NHSL2: variants seen among roughly 807,000 people sequenced by gnomAD.
NHSL2 encodes NHS like 2, also known as NHS-like protein 2.
Under a neutral mutation model 53.4 loss-of-function variants are expected in NHSL2, and 27 were observed. The ratio of observed to expected loss-of-function variants is 0.51; its 90% CI spans 0.37 to 0.70. NHSL2 has a LOEUF of 0.70. Ranked by LOEUF, NHSL2 falls within the 30% of genes least tolerant of loss-of-function variation. The pLI, the probability that NHSL2 is intolerant of heterozygous loss-of-function variation, is 0.00. For synonymous variants in NHSL2, 408 were observed against 404.1 expected, an observed-to-expected ratio of 1.01 and a Z score of -0.12; for missense variants, 892 against 980.1, an observed-to-expected ratio of 0.91 and a Z score of 1.20.
chrX:72,111,817 A>T (rs764775652), intron 1 of NHSL2, among the ~76,000 whole-genome samples: 230 of 111,798 alleles, frequency 2.1e-3, no homozygotes, highest in Non-Finnish European at 3.9e-3. Flanking sequence ...AGCACTGTGT[A>T]TATGCTGGTG....
At chrX:72,074,488 G>A (rs2041725111) in intron 1 of NHSL2, among the ~76,000 whole-genome samples, 1 of 112,165 alleles carries the variant, frequency 8.9e-6, no homozygotes, top group African/African-American at 3.2e-5. Flanking sequence ...ATTTCCTGGT[G>A]CCCTCCTCCC....
chrX:72,098,346 C>G (rs940344695), intron 1 of NHSL2, among the ~76,000 whole-genome samples: 14 of 111,541 alleles, frequency 1.3e-4, no homozygotes, highest in African/African-American at 4.6e-4. Flanking sequence ...TTTGGGAAGC[C>G]GAGACGGGTG....
At chrX:72,011,883 G>C (rs902434482) in intron 1 of NHSL2, among the ~76,000 whole-genome samples, 8 of 111,739 alleles carry the variant, frequency 7.2e-5, no homozygotes, top group Non-Finnish European at 1.3e-4. Flanking sequence ...GTTGAACATT[G>C]TTTCATGAGC....
intron 1 of NHSL2, among the ~76,000 whole-genome samples, chrX:71,954,743 ATAAG>A (rs2041835421): frequency 8.9e-6 from 1 of 111,932 alleles, no homozygotes; most frequent in African/African-American, 3.3e-5. Context: ...TTTAACCTGA[ATAAG>A]TGTCACCATG....
At chrX:71,986,927 A>C (rs780445632) in intron 1 of NHSL2, among the ~76,000 whole-genome samples, 2 of 112,493 alleles carry the variant, frequency 1.8e-5, no homozygotes, top group South Asian at 3.7e-4. Context: ...GCTTTATCTT[A>C]TCTAACTTAA....
chrX:72,153,092 T>C lies in NHSL2; in HGVS notation c.*9518T>C, dbSNP rs2042528209. On this transcript the variant is annotated 3_prime_UTR_variant, in exon 8 of 8. Transcript: ENST00000633930. Reference sequence around the variant, plus strand: ...AAGCAGAAAGTAGGAGAGATCACGATCTCAGTCTTTTTAGGATTCCAACAC... The same window carrying C: ...AAGCAGAAAGTAGGAGAGATCACGACCTCAGTCTTTTTAGGATTCCAACAC... The C allele has an allele frequency of 9.0e-6, 1 of 111,582 alleles. No homozygotes were observed. Among genetic ancestry groups the C allele is most frequent in the Non-Finnish European group, 1.9e-5 (1 of 53,108 alleles). 9.2% of individuals were successfully genotyped at this position (111,582 alleles called of 1,213,427 possible). A position where few individuals can be genotyped will look rare whatever the true frequency, so the allele number is the denominator to read the frequency against.
intron 1 of NHSL2, chrX:72,069,632 G>T (rs1391256628): frequency 1.2e-6 from 1 of 831,624 alleles, no homozygotes; most frequent in East Asian, 4.3e-5. Flanking sequence ...GGAGGAGAAA[G>T]AGGAGGAGGA....
At chrX:71,948,687 G>A (rs924367689) in intron 1 of NHSL2, among the ~76,000 whole-genome samples, 1 of 109,423 alleles carries the variant, frequency 9.1e-6, no homozygotes, top group African/African-American at 3.3e-5. Context: ...AAAATTAGTC[G>A]GGCATGGAGG....
chrX:71,993,838 A>T (rs1173133751), intron 1 of NHSL2, among the ~76,000 whole-genome samples: 1 of 110,379 alleles, frequency 9.1e-6, no homozygotes, highest in East Asian at 2.8e-4. Flanking sequence ...TTTTTACATT[A>T]CTTTTGAAAA....
intron 1 of NHSL2, among the ~76,000 whole-genome samples, chrX:72,078,178 G>A (rs188207232): frequency 8.9e-6 from 1 of 112,858 alleles, no homozygotes; most frequent in African/African-American, 3.2e-5. Flanking sequence ...AGCCCAGGCA[G>A]TAGGGCTCCC....
Position 72,144,675 on chromosome X carries a change from C to A in NHSL2, c.*1101C>A. Reference sequence around the variant, plus strand: ...AAGGATCTATCCAAAATCTAAAAGGCAGTCTTGCCAGTTGCTATGGCCCAT... The same window carrying A: ...AAGGATCTATCCAAAATCTAAAAGGAAGTCTTGCCAGTTGCTATGGCCCAT... On this transcript the variant is annotated 3_prime_UTR_variant, in exon 8 of 8. Coordinates refer to ENST00000633930, the MANE Select transcript of NHSL2 (RefSeq NM_001013627.3). 7 of 432,763 alleles carry A rather than the reference C, an allele frequency of 1.6e-5. No individual in the cohort carries two copies. Among genetic ancestry groups the A allele is most frequent in the South Asian group, 1.4e-4 (5 of 36,505 alleles). 35.7% of individuals were successfully genotyped at this position (432,763 alleles called of 1,213,427 possible).
Position 72,130,985 on chromosome X carries a change from C to T in NHSL2, c.281-1094C>T, listed in dbSNP as rs749616789. The T allele has an allele frequency of 5.8e-6, 7 of 1,210,979 alleles. No individual in the cohort carries two copies. In the East Asian group the frequency reaches 1.8e-4, roughly 31 times the overall value. ...AAGGAGATCAGAAAGGCCACCCGCT[C>T]GGCGCCCCCGGGGAAATGAACCTCA... On this transcript the variant is annotated intron_variant, in intron 1 of 7. Coordinates refer to ENST00000633930, the MANE Select transcript of NHSL2 (RefSeq NM_001013627.3).
At chrX:72,048,140 G>A (rs1191800680) in intron 1 of NHSL2, among the ~76,000 whole-genome samples, 3 of 109,790 alleles carry the variant, frequency 2.7e-5, no homozygotes, top group Non-Finnish European at 5.7e-5. Context: ...CCTACTATAT[G>A]GCAGGCATTA....
Position 72,140,522 on chromosome X carries a change from G to A in NHSL2, c.2974G>A (p.Glu992Lys). The A allele has an allele frequency of 1.7e-6, 2 of 1,211,417 alleles. No individual in the cohort carries two copies. The highest frequency in any genetic ancestry group is 2.2e-6 in the Non-Finnish European group (2 of 895,332). Residue 992 changes from glutamate (E) to lysine (K), a missense_variant, in exon 6 of 8, where the codon GAA becomes AAA. Coordinates refer to ENST00000633930, the MANE Select transcript of NHSL2 (RefSeq NM_001013627.3). ...PERISLQSQE[E>K]AEKKKGKIPP... ...AAGAATTAGCCTCCAGAGCCAGGAA[G>A]AAGCTGAGAAAAAGAAAGGCAAGAT...
Position 72,038,351 on chromosome X carries a change from T to C in NHSL2, c.281-93728T>C, listed in dbSNP as rs372217195. On this transcript the variant is annotated intron_variant, in intron 1 of 7. Coordinates refer to ENST00000633930, the MANE Select transcript of NHSL2 (RefSeq NM_001013627.3). ...CAAAATTACAAACTCTTTCAACTCT[T>C]TATAAACAGTCAATTATAAACTCTT... 2.0e-4 allele frequency among the ~76,000 whole-genome samples: 23 copies of C among 112,588 alleles called. No homozygotes were observed. The East Asian group carries it at 5.9e-3, about 29-fold the overall frequency.
At chrX:71,995,893 C>G (rs1215349977) in intron 1 of NHSL2, among the ~76,000 whole-genome samples, 1 of 111,944 alleles carries the variant, frequency 8.9e-6, no homozygotes. Context: ...GCATGGGAGA[C>G]ACTCAGTAAG....
chrX:72,148,835 A>AGAGT lies in NHSL2; in HGVS notation c.*5262_*5263insAGTG, dbSNP rs1556380542. ...GAGAGGGAGAAAGAGAGAGAGAGAG[A>AGAGT]GTGTATGTGTGTGTGTGTGTGTGTG... On this transcript the variant is annotated 3_prime_UTR_variant, in exon 8 of 8. Coordinates refer to ENST00000633930, the MANE Select transcript of NHSL2 (RefSeq NM_001013627.3). 7.9e-5 allele frequency: 2 copies of AGAGT among 25,465 alleles called. No homozygotes were observed. Among genetic ancestry groups the AGAGT allele is most frequent in the African/African-American group, 1.9e-4 (2 of 10,456 alleles). The allele number at this position is 25,465 out of a possible 1,213,427, so 2.1% of individuals were successfully genotyped here.
intron 1 of NHSL2, among the ~76,000 whole-genome samples, chrX:72,056,751 A>G (rs1410589877): frequency 8.9e-6 from 1 of 112,661 alleles, no homozygotes; most frequent in African/African-American, 3.2e-5. Flanking sequence ...TCAATTCTTC[A>G]ATTTCCCTCC....
intron 1 of NHSL2, among the ~76,000 whole-genome samples, chrX:71,964,860 G>A (rs2043663841): frequency 8.9e-6 from 1 of 112,206 alleles, no homozygotes; most frequent in South Asian, 3.7e-4. Context: ...ATTTTAATGA[G>A]TCCAGTTTAT....
Sources: gnomAD v4.1 joint callset for allele counts (sites outside exome capture counted in the v4.1 genomes callset) on GRCh38, gnomAD v4.1.1 for gene constraint, MANE v1.5 for transcripts, NCBI Gene and HGNC (gene_info 2026-07-23, HGNC 2026-07-21) for gene names.